PLEKHH1: variants seen among roughly 807,000 people sequenced by gnomAD.
PLEKHH1 encodes pleckstrin homology domain-containing family H member 1.
A neutral mutation model predicts 160.0 loss-of-function variants in PLEKHH1; 104 were observed. That is an observed-to-expected ratio of 0.65 (90% CI 0.55 to 0.76). The LOEUF is 0.76. Among genes scored for constraint, PLEKHH1 ranks in the 30% least tolerant of loss-of-function variants. The pLI is 0.00. For missense variants in PLEKHH1, 1,427 were observed against 1,724.1 expected (o/e 0.83, Z 3.05); for synonymous variants, 619 against 678.4 (o/e 0.91, Z 1.36).
rs1413478331 is a variant in PLEKHH1, at chr14:67,574,311, G to C, written c.1996G>C (p.Val666Leu). 6.2e-7 allele frequency: 1 copy of C among 1,606,430 alleles called. No homozygotes were observed. The highest frequency in any genetic ancestry group is 2.2e-5 in the East Asian group (1 of 44,600). The change falls in exon 14 of 29, where the codon GTA becomes CTA. Residue 666 changes from valine (V) to leucine (L), a missense_variant. Around this residue, in one of 6 missense-constraint regions of PLEKHH1, gnomAD observed 831 missense variants for 929.2 expected, o/e 0.89. Coordinates refer to ENST00000329153, the MANE Select transcript of PLEKHH1 (RefSeq NM_020715.3). This position sits in a 1 kb window ranked among gnomAD's most constrained non-coding sequence, Gnocchi z 4.2. ...SPSLLEEWIR[V>L]LQSLLKVQAT... Reference sequence around the variant, plus strand: ...CAGCCTGCTGGAGGAGTGGATCCGAGTACTCCAGAGCCTGCTGAAGGTGCA... The same window carrying C: ...CAGCCTGCTGGAGGAGTGGATCCGACTACTCCAGAGCCTGCTGAAGGTGCA...
rs761469104 is a variant in PLEKHH1 at position 67,571,881 on chromosome 14, A to C, written c.1564A>C (p.Ser522Arg). Residue 522 changes from serine (S) to arginine (R), a missense_variant, in exon 10 of 29, where the codon AGC becomes CGC. Coordinates refer to ENST00000329153, the MANE Select transcript of PLEKHH1 (RefSeq NM_020715.3). ...SESRKTSGLG[S>R]PRAIKRGVSM... ...GTCCAGGAAGACCAGCGGACTAGGC[A>C]GCCCCCGGGCCATCAAGAGAGGTAC... 6.2e-7 allele frequency: 1 copy of C among 1,611,996 alleles called. No homozygotes were observed. The highest frequency in any genetic ancestry group is 8.5e-7 in the Non-Finnish European group (1 of 1,178,990).
In PLEKHH1 at chr14:67,562,760, A is replaced by G; in HGVS notation, c.1129A>G (p.Met377Val). The G allele has an allele frequency of 1.2e-6, 2 of 1,613,796 alleles. No individual in the cohort carries two copies. The highest frequency in any genetic ancestry group is 8.5e-7 in the Non-Finnish European group (1 of 1,179,840). ...RARSREEPEK[M>V]EMEEPPPAGK... ...TAGGTCCCGGGAGGAACCAGAGAAG[A>G]TGGAGATGGAGGAGCCACCCCCAGC... Residue 377 changes from methionine (M) to valine (V), a missense_variant, in exon 7 of 29, where the codon ATG becomes GTG. Physicochemically the swap from Met to Val is conservative, Grantham distance 21. This residue lies in a region of PLEKHH1 where 831 missense variants were observed against 929.2 expected (regional missense o/e 0.89). Coordinates refer to ENST00000329153, the MANE Select transcript of PLEKHH1 (RefSeq NM_020715.3).
rs760745090 is a variant in PLEKHH1 at position 67,573,375 on chromosome 14, T to C, written c.1828T>C (p.Tyr610His). The C allele has an allele frequency of 6.3e-7, 1 of 1,599,998 alleles. No homozygotes were observed. Among genetic ancestry groups the C allele is most frequent in the South Asian group, 1.1e-5 (1 of 90,808 alleles). Residue 610 changes from tyrosine (Y) to histidine (H), a missense_variant, in exon 12 of 29, where the codon TAC becomes CAC. This residue lies in a region of PLEKHH1 where 831 missense variants were observed against 929.2 expected (regional missense o/e 0.89). Transcript: ENST00000329153. The surrounding 1 kb of genome is among the most constrained non-coding windows in gnomAD (Gnocchi z 4.8). ...CCTGAGACAGGGACAGATTATGTAC[T>C]ACAAGTCCCCGGTGAGAGTCTCCCC... Reference protein sequence around the residue: ...FVLRQGQIMYYKSPSDVIRKP... With the variant: ...FVLRQGQIMYHKSPSDVIRKP...
chr14:67,544,291 G>A (rs7147529), intron 2 of PLEKHH1, among the ~76,000 whole-genome samples: 91,340 of 151,838 alleles, frequency 0.6, 27,957 homozygotes, highest in Non-Finnish European at 0.66. Context: ...CGATAACACT[G>A]GTTTAATGTT....
intron 9 of PLEKHH1, 175 bp from the exon 10 acceptor site, chr14:67,571,577 G>A (rs1348949533): frequency 1.0e-5 from 6 of 588,302 alleles, no homozygotes; most frequent in African/African-American, 7.4e-5. Context: ...GAAGCATGGA[G>A]GTCATGACAC....
intron 26 of PLEKHH1, 102 bp downstream of exon 26, chr14:67,584,226 C>T (rs1462502204): frequency 1.8e-6 from 2 of 1,131,004 alleles, no homozygotes; most frequent in Admixed American, 2.0e-5. Flanking sequence ...TACCAGTAAC[C>T]ACCAGAGGTC....
At chr14:67,580,550 A>G (rs986028294) in intron 22 of PLEKHH1, among the ~76,000 whole-genome samples, 5 of 152,224 alleles carry the variant, frequency 3.3e-5, no homozygotes, top group Non-Finnish European at 5.9e-5. Flanking sequence ...TTCTTTGCCA[A>G]TGTCTGGGCA....
At chr14:67,586,744 A>T in intron 28 of PLEKHH1, 1 of 1,220,398 alleles carries the variant, frequency 8.2e-7, no homozygotes, top group Non-Finnish European at 1.1e-6. Context: ...CTCCTTTAAT[A>T]CCACCCCTGC....
At chr14:67,577,900 C>G (rs2035697984) in intron 18 of PLEKHH1, 123 bp from the exon 19 acceptor site, 2 of 812,244 alleles carry the variant, frequency 2.5e-6, no homozygotes, top group East Asian at 5.1e-5. Context: ...GCAGTGCTCC[C>G]TCTTAGAAAG....
intron 2 of PLEKHH1, among the ~76,000 whole-genome samples, chr14:67,546,831 C>T (rs61988243): frequency 0.091 from 13,833 of 152,240 alleles, 694 homozygotes; most frequent in East Asian, 0.14. Context: ...ACACTACACT[C>T]CAGCCTGGGT....
At chr14:67,563,227 C>T (rs1283061887) in intron 7 of PLEKHH1, among the ~76,000 whole-genome samples, 2 of 152,202 alleles carry the variant, frequency 1.3e-5, no homozygotes, top group African/African-American at 4.8e-5. Flanking sequence ...GCCCCAGAAG[C>T]AAACCACTAG....
chr14:67,587,595 C>G lies in PLEKHH1; in HGVS notation c.*360C>G. 1 of 282,458 alleles carries G rather than the reference C, an allele frequency of 3.5e-6. No homozygotes were observed. Among genetic ancestry groups the G allele is most frequent in the Non-Finnish European group, 6.9e-6 (1 of 145,548 alleles). The allele number at this position is 282,458 out of a possible 1,614,324, so 17.5% of individuals were successfully genotyped here. On this transcript the variant is annotated 3_prime_UTR_variant, in exon 29 of 29. Transcript: ENST00000329153. ...ACTCTCAAGGAAGCTAATTTTCTTTCTGGGGGGGGCGGGGGACACAGTGTC... is the reference window on the plus strand; with the variant it reads ...ACTCTCAAGGAAGCTAATTTTCTTTGTGGGGGGGGCGGGGGACACAGTGTC...
At chr14:67,546,680 G>A (rs576835701) in intron 2 of PLEKHH1, among the ~76,000 whole-genome samples, 171 of 152,276 alleles carry the variant, frequency 1.1e-3, no homozygotes, top group Middle Eastern at 6.8e-3. Flanking sequence ...GTGAGCCACC[G>A]TGCCCAGGCA....
intron 22 of PLEKHH1, 133 bp from the exon 23 acceptor site, chr14:67,580,805 G>C (rs2035856940): frequency 3.2e-6 from 2 of 619,812 alleles, no homozygotes; most frequent in Non-Finnish European, 5.8e-6. Flanking sequence ...AAGCTCCGCA[G>C]GTCAGCCTCC....
chr14:67,542,483 C>T (rs2034009199), intron 2 of PLEKHH1, among the ~76,000 whole-genome samples: 1 of 152,188 alleles, frequency 6.6e-6, no homozygotes, highest in African/African-American at 2.4e-5. Flanking sequence ...GGGCAAGTCC[C>T]TTCACCTCTA....
chr14:67,555,950 T>C (rs2034576295), intron 3 of PLEKHH1, 63 bp downstream of exon 3: 1 of 1,585,928 alleles, frequency 6.3e-7, no homozygotes, highest in Non-Finnish European at 8.6e-7. Context: ...TTCCAGGCCC[T>C]TCCCACGGAC....
At chr14:67,555,937 C>T (rs757757313) in intron 3 of PLEKHH1, 50 bp downstream of exon 3, 1 of 1,592,048 alleles carries the variant, frequency 6.3e-7, no homozygotes, top group East Asian at 2.3e-5. Flanking sequence ...TGACCGTCGG[C>T]CCTTCCAGGC....
chr14:67,565,071 T>G (rs766776093), intron 7 of PLEKHH1, among the ~76,000 whole-genome samples: 5 of 152,118 alleles, frequency 3.3e-5, no homozygotes, highest in Non-Finnish European at 5.9e-5. Context: ...AGGTCACTAG[T>G]GAAAATGGCA....
intron 2 of PLEKHH1, among the ~76,000 whole-genome samples, chr14:67,553,539 C>A (rs2140377522): frequency 6.6e-6 from 1 of 152,322 alleles, no homozygotes; most frequent in East Asian, 1.9e-4. Context: ...AGCCTCTGAT[C>A]TCTTGATTCC....
Sources: allele counts gnomAD v4.1 joint callset (sites outside exome capture counted in the v4.1 genomes callset), GRCh38; gene constraint gnomAD v4.1.1; regional missense constraint gnomAD v4.1.1; non-coding constraint Gnocchi (gnomAD v3.1); transcripts MANE v1.5; gene names NCBI Gene and HGNC (gene_info 2026-07-23, HGNC 2026-07-21).